The following OPCML variants were observed in gnomAD, a reference collection of about 807,000 sequenced individuals.
OPCML encodes the protein opioid-binding protein/cell adhesion molecule.
A neutral mutation model predicts 37.8 loss-of-function variants in OPCML; 13 were observed. That is an observed-to-expected ratio of 0.34 (90% confidence interval 0.22 to 0.55). OPCML has a LOEUF of 0.55. Ranked by LOEUF, OPCML falls within the 20% of genes least tolerant of loss-of-function variation. The pLI, the probability that OPCML is intolerant of heterozygous loss-of-function variation, is 0.91. For missense variants in OPCML, 341 were observed against 435.6 expected (o/e 0.78, Z 1.93); for synonymous variants, 176 against 168.8 (o/e 1.04, Z -0.33).
chr11:132,961,484 A>G (rs1946092728), intron 1 of OPCML, among the ~76,000 whole-genome samples: 1 of 152,224 alleles, frequency 6.6e-6, no homozygotes, highest in Non-Finnish European at 1.5e-5. Flanking sequence ...GGAAGAGTCA[A>G]GCGATGCTAT....
At chr11:133,025,152 T>C in intron 1 of OPCML, 1 of 539,404 alleles carries the variant, frequency 1.9e-6, no homozygotes, top group Non-Finnish European at 2.4e-6. Flanking sequence ...AATGTTAGAC[T>C]GCAATACAAC....
In OPCML at chr11:133,251,982, G is replaced by T. The variant is rs533666035; in HGVS notation, c.61+280282C>A. Among the ~76,000 whole-genome samples, 100 of 152,292 alleles carry T rather than the reference G, an allele frequency of 6.6e-4. 1 individual carries two copies. Among genetic ancestry groups the T allele is most frequent in the African/African-American group, 2.4e-3 (98 of 41,558 alleles). On this transcript the variant is annotated intron_variant, in intron 1 of 7. Coordinates refer to ENST00000524381, the MANE Select transcript of OPCML (RefSeq NM_001012393.5). ...GCTGGTCTGATTTCACAGCTGTTGT[G>T]CAGGAGGGCCTCCCCCCAGAGTCGA...
chr11:132,443,858 C>T (rs2096045075), intron 4 of OPCML, among the ~76,000 whole-genome samples: 1 of 152,172 alleles, frequency 6.6e-6, no homozygotes, highest in South Asian at 2.1e-4. Flanking sequence ...TCTTTCTTTC[C>T]CTCCAGGATT....
chr11:133,512,163 T>C (rs1948175067), intron 1 of OPCML, among the ~76,000 whole-genome samples: 2 of 152,224 alleles, frequency 1.3e-5, no homozygotes, highest in African/African-American at 4.8e-5. Context: ...CTCCAGGTTG[T>C]GATCTGTGTT....
intron 1 of OPCML, among the ~76,000 whole-genome samples, chr11:133,471,578 C>G (rs1387821911): frequency 6.6e-6 from 1 of 152,124 alleles, no homozygotes; most frequent in East Asian, 1.9e-4. Context: ...AGATATTCCA[C>G]TGTATTCCCT....
rs551884958 is a variant in OPCML, at chr11:132,541,206, C to G, written c.380-12020G>C. Among the ~76,000 whole-genome samples the G allele has an allele frequency of 1.2e-4, 18 of 152,318 alleles. 1 individual carries two copies. In the South Asian group the frequency reaches 3.7e-3, roughly 32 times the overall value. ...AGTCTCTCTCTCACAGGAAGGCCCC[C>G]TGAGTATTTCCGGCCTTCCTGGAGC... On this transcript the variant is annotated intron_variant, in intron 3 of 7. Coordinates refer to ENST00000524381, the MANE Select transcript of OPCML (RefSeq NM_001012393.5).
intron 2 of OPCML, among the ~76,000 whole-genome samples, chr11:132,710,317 G>C (rs1463774223): frequency 6.6e-6 from 1 of 152,094 alleles, no homozygotes; most frequent in Admixed American, 6.5e-5. Context: ...CTACTTTAGG[G>C]TTTATGGTAT....
chr11:132,573,907 C>T (rs1339683029), intron 3 of OPCML, among the ~76,000 whole-genome samples: 1 of 151,906 alleles, frequency 6.6e-6, no homozygotes, highest in Non-Finnish European at 1.5e-5. Context: ...AATCTTCATA[C>T]TAGTTATGGG....
intron 1 of OPCML, among the ~76,000 whole-genome samples, chr11:133,249,015 G>A (rs1174963846): frequency 6.6e-6 from 1 of 152,160 alleles, no homozygotes; most frequent in Non-Finnish European, 1.5e-5. Context: ...GCTGTTGCCG[G>A]TATAAAACCA....
chr11:133,297,687 G>C (rs1942664653), intron 1 of OPCML: 1 of 152,216 alleles, frequency 6.6e-6, no homozygotes, highest in African/African-American at 2.4e-5. Flanking sequence ...CAAGACAAAT[G>C]GGTTTTTAGC....
At chr11:132,432,320 T>C (rs1056779188) in intron 7 of OPCML, among the ~76,000 whole-genome samples, 2 of 152,196 alleles carry the variant, frequency 1.3e-5, no homozygotes, top group Non-Finnish European at 1.5e-5. Flanking sequence ...CATTGAGGAC[T>C]AGGAAGAGCA....
chr11:133,174,719 T>C lies in OPCML; in HGVS notation c.62-231709A>G, dbSNP rs1459827256. Among the ~76,000 whole-genome samples, 2 of 151,576 alleles carry C rather than the reference T, an allele frequency of 1.3e-5. No homozygotes were observed. The highest frequency in any genetic ancestry group is 2.9e-5 in the Non-Finnish European group (2 of 67,958). On this transcript the variant is annotated intron_variant, in intron 1 of 7. Transcript: ENST00000524381. This position sits in a 1 kb window ranked among gnomAD's most constrained non-coding sequence, Gnocchi z 4.6. ...TATTTCTTGTCTCCTGAAAAATAAA[T>C]TTATGTTTGCCTATCTATATTTTCA...
chr11:133,363,983 T>C (rs1334330546), intron 1 of OPCML, among the ~76,000 whole-genome samples: 1 of 152,162 alleles, frequency 6.6e-6, no homozygotes, highest in Non-Finnish European at 1.5e-5. Flanking sequence ...ACAGCACATC[T>C]GTTTTCATGC....
At chr11:132,874,072 G>A (rs1942916744) in intron 2 of OPCML, among the ~76,000 whole-genome samples, 2 of 152,276 alleles carry the variant, frequency 1.3e-5, no homozygotes, top group East Asian at 1.9e-4. Context: ...TCCCCATTAC[G>A]AAGGTTCTGA....
chr11:133,219,821 T>A (rs1489641979), intron 1 of OPCML, among the ~76,000 whole-genome samples: 3 of 152,088 alleles, frequency 2.0e-5, no homozygotes, highest in African/African-American at 4.8e-5. Context: ...GCTACAGACA[T>A]CTATTTGGTA....
At chr11:133,253,815 C>T (rs1456497966) in intron 1 of OPCML, among the ~76,000 whole-genome samples, 2 of 71,852 alleles carry the variant, frequency 2.8e-5, no homozygotes, top group Admixed American at 2.1e-4. Context: ...TTTTTCCCTC[C>T]TTCCCTTCCC....
At position 133,044,868 on chromosome 11, in the gene OPCML, G is replaced by A. The variant is rs149423448; in HGVS notation, c.62-101858C>T. Among the ~76,000 whole-genome samples, 5 of 152,154 alleles carry A rather than the reference G, an allele frequency of 3.3e-5. No homozygotes were observed. In the East Asian group the frequency reaches 7.8e-4, roughly 24 times the overall value. Reference sequence around the variant, plus strand: ...AACAGTCACAGATTCATGAAACCCTGGTCAAAGACGGGCCCCAGAAACCAC... The same window carrying A: ...AACAGTCACAGATTCATGAAACCCTAGTCAAAGACGGGCCCCAGAAACCAC... On this transcript the variant is annotated intron_variant, in intron 1 of 7. Coordinates refer to ENST00000524381, the MANE Select transcript of OPCML (RefSeq NM_001012393.5).
chr11:132,625,436 T>C (rs553417890), intron 3 of OPCML, among the ~76,000 whole-genome samples: 11 of 152,284 alleles, frequency 7.2e-5, no homozygotes, highest in East Asian at 3.9e-4. Flanking sequence ...ATATCCGCCA[T>C]GTTATACAGC....
chr11:133,323,675 G>C (rs1943386196), intron 1 of OPCML, among the ~76,000 whole-genome samples: 2 of 152,178 alleles, frequency 1.3e-5, no homozygotes, highest in African/African-American at 4.8e-5. Context: ...CAGGAGAAGT[G>C]AATATCACAG....
Sources: allele counts gnomAD v4.1 joint callset (sites outside exome capture counted in the v4.1 genomes callset), GRCh38; gene constraint gnomAD v4.1.1; non-coding constraint Gnocchi (gnomAD v3.1); transcripts MANE v1.5; gene names NCBI Gene and HGNC (gene_info 2026-07-23, HGNC 2026-07-21).